RAB38: variants seen among roughly 807,000 people sequenced by gnomAD.
RAB38 encodes ras-related protein Rab-38.
A neutral mutation model predicts 18.4 loss-of-function variants in RAB38; 15 were observed. The ratio of observed to expected loss-of-function variants is 0.82; its 90% CI spans 0.55 to 1.26. The LOEUF is 1.26. Among genes scored for constraint, RAB38 ranks in the 50% most tolerant of loss-of-function variants. RAB38 has a pLI of 0.00. For synonymous variants in RAB38, 101 were observed against 104.4 expected, an observed-to-expected ratio of 0.97 and a Z score of 0.20; for missense variants, 294 against 267.4, an observed-to-expected ratio of 1.10 and a Z score of -0.69.
the RAB38 span, among the ~76,000 whole-genome samples, chr11:87,846,279 T>C: frequency 6.6e-6 from 1 of 152,076 alleles, no homozygotes; most frequent in African/African-American, 2.4e-5. Context: ...TTGGTTTCGT[T>C]ACTCCAATTT....
the RAB38 span, among the ~76,000 whole-genome samples, chr11:87,904,662 C>G: frequency 1.7e-3 from 258 of 151,674 alleles, 1 homozygote; most frequent in African/African-American, 5.6e-3. Flanking sequence ...CTCCAAACTG[C>G]TTTCCACAGT....
chr11:88,072,732 T>G, the RAB38 span, among the ~76,000 whole-genome samples: 3 of 152,102 alleles, frequency 2.0e-5, no homozygotes, highest in Admixed American at 2.0e-4. Flanking sequence ...GGAAAAATTA[T>G]AGCAGTATAC....
chr11:87,842,814 GCGCA>G, the RAB38 span, among the ~76,000 whole-genome samples: 8 of 76,196 alleles, frequency 1.0e-4, no homozygotes, highest in South Asian at 5.2e-4. Flanking sequence ...ACACACGCGC[GCGCA>G]CACACACACA....
At chr11:87,943,029 T>A in the RAB38 span, among the ~76,000 whole-genome samples, 1 of 152,080 alleles carries the variant, frequency 6.6e-6, no homozygotes, top group Non-Finnish European at 1.5e-5. Flanking sequence ...AATTCTCGCA[T>A]AAGCCAAAAG....
the RAB38 span, among the ~76,000 whole-genome samples, chr11:87,939,885 A>G: frequency 6.6e-6 from 1 of 152,080 alleles, no homozygotes; most frequent in Non-Finnish European, 1.5e-5. Context: ...CCTGAGTGAC[A>G]TAGCCAGACC....
chr11:88,130,828 C>T (rs977348371), intron 2 of RAB38, among the ~76,000 whole-genome samples: 2 of 152,142 alleles, frequency 1.3e-5, no homozygotes, highest in Admixed American at 1.3e-4. Flanking sequence ...AAAAGGCATA[C>T]TTATCAAATT....
At chr11:88,175,059 A>G in intron 1 of RAB38, 124 bp downstream of exon 1, 2 of 1,170,746 alleles carry the variant, frequency 1.7e-6, no homozygotes, top group Non-Finnish European at 2.3e-6. Context: ...TTTCCAGCCC[A>G]CCAGGAAAAA....
chr11:87,863,153 A>G, the RAB38 span, among the ~76,000 whole-genome samples: 1 of 151,872 alleles, frequency 6.6e-6, no homozygotes. Flanking sequence ...CGGGACTAGA[A>G]TGGTCTTCCA....
At chr11:87,901,764 A>T in the RAB38 span, among the ~76,000 whole-genome samples, 1 of 151,694 alleles carries the variant, frequency 6.6e-6, no homozygotes, top group African/African-American at 2.4e-5. Context: ...ATTCCATTAT[A>T]AAAAGGGCTT....
intron 2 of RAB38, among the ~76,000 whole-genome samples, chr11:88,141,103 A>C (rs937898388): frequency 1.3e-5 from 2 of 152,186 alleles, no homozygotes; most frequent in Admixed American, 6.5e-5. Flanking sequence ...AGACTCATGG[A>C]AACAGGCCTA....
chr11:88,101,189 T>C, the RAB38 span, among the ~76,000 whole-genome samples: 1 of 152,044 alleles, frequency 6.6e-6, no homozygotes, highest in African/African-American at 2.4e-5. Flanking sequence ...CTGTGCTCTT[T>C]GGATATTTTT....
the RAB38 span, among the ~76,000 whole-genome samples, chr11:87,885,887 T>G: frequency 6.6e-6 from 1 of 151,984 alleles, no homozygotes; most frequent in South Asian, 2.1e-4. Flanking sequence ...ACACTAAAAT[T>G]TATAAACATC....
the RAB38 span, among the ~76,000 whole-genome samples, chr11:87,831,829 G>A: frequency 2.6e-5 from 4 of 152,126 alleles, no homozygotes; most frequent in African/African-American, 7.2e-5. Flanking sequence ...TATTAATGTG[G>A]CAGAAAATGG....
At chr11:87,943,452 T>C in the RAB38 span, among the ~76,000 whole-genome samples, 1 of 152,130 alleles carries the variant, frequency 6.6e-6, no homozygotes, top group Admixed American at 6.6e-5. Context: ...CTTCTATTCA[T>C]TTATTCAACA....
the RAB38 span, among the ~76,000 whole-genome samples, chr11:87,962,756 C>T: frequency 6.6e-6 from 1 of 151,998 alleles, no homozygotes; most frequent in Non-Finnish European, 1.5e-5. Flanking sequence ...TATTGCACAG[C>T]GTGCTGACTA....
At chr11:88,154,708 A>G (rs745990884) in intron 1 of RAB38, among the ~76,000 whole-genome samples, 26 of 152,198 alleles carry the variant, frequency 1.7e-4, no homozygotes, top group Non-Finnish European at 2.8e-4. Context: ...CTGGAGCAGT[A>G]GTCTGACCTG....
the RAB38 span, among the ~76,000 whole-genome samples, chr11:87,942,541 T>A: frequency 6.6e-6 from 1 of 152,178 alleles, no homozygotes. Context: ...CATCAAGAGT[T>A]ATTCCCACAG....
At chr11:87,866,646 A>C in the RAB38 span, among the ~76,000 whole-genome samples, 1 of 151,846 alleles carries the variant, frequency 6.6e-6, no homozygotes, top group African/African-American at 2.4e-5. Flanking sequence ...GTAAATGTAT[A>C]TTGAACTCCT....
chr11:88,140,665 C>G (rs906403213), intron 2 of RAB38, among the ~76,000 whole-genome samples: 1 of 152,086 alleles, frequency 6.6e-6, no homozygotes, highest in African/African-American at 2.4e-5. Flanking sequence ...GAGGCACGTT[C>G]CAGGCAGGGG....
Sources: gnomAD v4.1 joint callset for allele counts (sites outside exome capture counted in the v4.1 genomes callset) on GRCh38, gnomAD v4.1.1 for gene constraint, MANE v1.5 for transcripts, NCBI Gene and HGNC (gene_info 2026-07-23, HGNC 2026-07-21) for gene names.